MTUS2: variants seen among roughly 807,000 people sequenced by gnomAD.
MTUS2 encodes microtubule associated scaffold protein 2, also known as microtubule-associated tumor suppressor candidate 2.
Under a neutral mutation model 114.1 loss-of-function variants are expected in MTUS2, and 40 were observed. The ratio of observed to expected loss-of-function variants is 0.35; its 90% CI spans 0.27 to 0.46. The LOEUF is 0.46. MTUS2 is among the 20% of genes least tolerant of loss of function. The pLI is 1.00. For synonymous variants in MTUS2, 688 were observed against 672.0 expected (o/e 1.02, Z -0.37); for missense variants, 1,679 against 1,705.4 (o/e 0.98, Z 0.27).
chr13:29,188,624 A>G (rs897003602), intron 5 of MTUS2, among the ~76,000 whole-genome samples: 9 of 152,216 alleles, frequency 5.9e-5, no homozygotes, highest in Admixed American at 5.9e-4. Flanking sequence ...CCAGGCCTAA[A>G]AGACCCTCAG....
intron 8 of MTUS2, among the ~76,000 whole-genome samples, chr13:29,400,604 A>G (rs888484469): frequency 6.6e-5 from 10 of 152,186 alleles, no homozygotes; most frequent in African/African-American, 2.2e-4. Flanking sequence ...TGTTCCCTTC[A>G]TGGACTGAAT....
intron 5 of MTUS2, among the ~76,000 whole-genome samples, chr13:29,197,768 G>A (rs1243250160): frequency 2.0e-5 from 3 of 152,104 alleles, no homozygotes; most frequent in Non-Finnish European, 2.9e-5. Flanking sequence ...GGCGTGAGAT[G>A]GTATCTCATT....
intron 1 of MTUS2, among the ~76,000 whole-genome samples, chr13:28,822,289 A>G (rs1455206997): frequency 6.6e-6 from 1 of 151,764 alleles, no homozygotes; most frequent in Non-Finnish European, 1.5e-5. Context: ...ACTCCATTAA[A>G]CTCCCTGTTT....
intron 8 of MTUS2, among the ~76,000 whole-genome samples, chr13:29,397,187 TC>T (rs1483465895): frequency 6.6e-6 from 1 of 152,074 alleles, no homozygotes; most frequent in Non-Finnish European, 1.5e-5. Context: ...CCTTTACAGC[TC>T]CACTTGATCA....
intron 8 of MTUS2, among the ~76,000 whole-genome samples, chr13:29,389,979 A>G (rs1469143682): frequency 6.9e-5 from 3 of 43,210 alleles, no homozygotes; most frequent in African/African-American, 1.3e-4. Flanking sequence ...ATATACACAT[A>G]CATGTATGTG....
At chr13:28,909,315 C>T (rs1439880632) in intron 2 of MTUS2, among the ~76,000 whole-genome samples, 3 of 151,792 alleles carry the variant, frequency 2.0e-5, no homozygotes, top group African/African-American at 7.3e-5. Context: ...ATTCTTCCTA[C>T]CCATGAGCAT....
chr13:29,351,614 G>GT (rs1869285525), intron 7 of MTUS2, among the ~76,000 whole-genome samples: 1 of 147,014 alleles, frequency 6.8e-6, no homozygotes, highest in Non-Finnish European at 1.5e-5. Flanking sequence ...TTTTTTGTTT[G>GT]TTTTTTTGAG....
At chr13:29,256,475 G>A (rs1897286430) in intron 5 of MTUS2, among the ~76,000 whole-genome samples, 1 of 152,214 alleles carries the variant, frequency 6.6e-6, no homozygotes, top group South Asian at 2.1e-4. Context: ...GCCCAGAGTG[G>A]GCAAGGAGGG....
At chr13:28,883,284 C>T (rs1454558790) in intron 2 of MTUS2, among the ~76,000 whole-genome samples, 3 of 152,168 alleles carry the variant, frequency 2.0e-5, no homozygotes, top group Admixed American at 6.5e-5. Flanking sequence ...CACAACTCGG[C>T]AATTGCACTA....
intron 2 of MTUS2, among the ~76,000 whole-genome samples, chr13:28,960,882 A>G (rs74041672): frequency 0.05 from 7,545 of 152,236 alleles, 600 homozygotes; most frequent in African/African-American, 0.17. Context: ...AATATACACA[A>G]TGTTTCAAAA....
At chr13:29,433,477 A>G (rs1428954682) in intron 8 of MTUS2, among the ~76,000 whole-genome samples, 3 of 152,196 alleles carry the variant, frequency 2.0e-5, no homozygotes, top group African/African-American at 7.2e-5. Flanking sequence ...AATAATACTT[A>G]TTGATTAACT....
chr13:28,940,598 T>C (rs910628565), intron 2 of MTUS2, among the ~76,000 whole-genome samples: 1 of 151,976 alleles, frequency 6.6e-6, no homozygotes, highest in African/African-American at 2.4e-5. Flanking sequence ...GAAATAGAAC[T>C]ATAAGAGAGT....
intron 8 of MTUS2, among the ~76,000 whole-genome samples, chr13:29,389,608 TACATATGTGTGTATATATGTATAC>T (rs1275132223): frequency 1.2e-5 from 1 of 85,202 alleles, no homozygotes; most frequent in Non-Finnish European, 2.7e-5. Flanking sequence ...TGTATACGTA[TACATATGTGTGTATATATGTATAC>T]ACATATGTGT....
chr13:29,238,659 G>A (rs1896622901), intron 5 of MTUS2, among the ~76,000 whole-genome samples: 1 of 152,170 alleles, frequency 6.6e-6, no homozygotes, highest in African/African-American at 2.4e-5. Flanking sequence ...AGGGGATAGT[G>A]CTCACCCAGA....
At chr13:29,140,191 A>G (rs1294864410) in intron 5 of MTUS2, among the ~76,000 whole-genome samples, 1 of 152,150 alleles carries the variant, frequency 6.6e-6, no homozygotes, top group African/African-American at 2.4e-5. Context: ...CAGTTTCTTA[A>G]ATGAGGAGAA....
intron 2 of MTUS2, among the ~76,000 whole-genome samples, chr13:28,871,875 C>T (rs1450689341): frequency 6.6e-6 from 1 of 152,006 alleles, no homozygotes; most frequent in Non-Finnish European, 1.5e-5. Context: ...CCCAGGTAGA[C>T]AGAAAAGCAA....
At chr13:29,297,994 T>G (rs1899024139) in intron 6 of MTUS2, among the ~76,000 whole-genome samples, 1 of 152,174 alleles carries the variant, frequency 6.6e-6, no homozygotes, top group African/African-American at 2.4e-5. Flanking sequence ...TTATGAAAAG[T>G]TTTTCTGCTG....
At position 29,024,695 on chromosome 13, in the gene MTUS2, G is replaced by A. The variant is rs368582005; in HGVS notation, c.-4G>A. 10 of 1,613,222 alleles carry A rather than the reference G, an allele frequency of 6.2e-6. No homozygotes were observed. The highest frequency in any genetic ancestry group is 4.4e-5 in the South Asian group (4 of 90,826). On this transcript the variant is annotated 5_prime_UTR_variant, in exon 3 of 16. Coordinates refer to ENST00000612955, the MANE Select transcript of MTUS2 (RefSeq NM_001033602.4). Reference sequence around the variant, plus strand: ...TGGCAAGCAGCCCCACCAAAGGGTTGACAATGAGCGTCCCAGTGGCTCCTA... The same window carrying A: ...TGGCAAGCAGCCCCACCAAAGGGTTAACAATGAGCGTCCCAGTGGCTCCTA...
At chr13:29,386,323 G>A (rs571243213) in intron 8 of MTUS2, among the ~76,000 whole-genome samples, 6 of 152,184 alleles carry the variant, frequency 3.9e-5, no homozygotes, top group Admixed American at 2.0e-4. Context: ...CATGGGCACG[G>A]CGAAGGGTCA....
Sources: allele counts gnomAD v4.1 joint callset (sites outside exome capture counted in the v4.1 genomes callset), GRCh38; gene constraint gnomAD v4.1.1; transcripts MANE v1.5; gene names NCBI Gene and HGNC (gene_info 2026-07-23, HGNC 2026-07-21).